AFG3L2: variants seen among roughly 807,000 people sequenced by gnomAD.
The protein encoded by AFG3L2 is mitochondrial inner membrane m-AAA protease component AFG3L2.
AFG3L2 carries 54 observed loss-of-function variants against 94.5 expected under a neutral mutation model. That is an observed-to-expected ratio of 0.57 (90% CI 0.46 to 0.72). The LOEUF (loss-of-function observed/expected upper bound fraction) is 0.72. AFG3L2 is among the 30% of genes least tolerant of loss of function. The pLI, the probability that AFG3L2 is intolerant of heterozygous loss-of-function variation, is 0.00. For missense variants in AFG3L2, 754 were observed against 994.9 expected (o/e 0.76, Z 3.26); for synonymous variants, 377 against 365.5 (o/e 1.03, Z -0.36).
rs12458831 is a variant in AFG3L2, at chr18:12,353,383, G to A, written c.1165-225C>T. Among the ~76,000 whole-genome samples the A allele has an allele frequency of 0.067, 10,112 of 151,836 alleles. 518 individuals carry two copies. Among genetic ancestry groups the A allele is most frequent in the East Asian group, 0.2 (1,008 of 5,142 alleles). On this transcript the variant is annotated intron_variant, in intron 9 of 16. Coordinates refer to ENST00000269143, the MANE Select transcript of AFG3L2 (RefSeq NM_006796.3). ...TACAAAATTAGGCAGGCATGGTGGC[G>A]CGTGCCTGTGATCCCAGCTACTCAG...
In AFG3L2 at chr18:12,329,754, T is replaced by C; in HGVS notation, c.2205A>G (p.Val735=). 1.9e-6 allele frequency: 3 copies of C among 1,614,200 alleles called. No homozygotes were observed. The highest frequency in any genetic ancestry group is 2.5e-6 in the Non-Finnish European group (3 of 1,180,026). ...GTTCAACCATATCATTCTTATCTAA[T>C]ACTTCTTTTTCTAACAACAGAAGAG... ...KVALLLLEKE[V]LDKNDMVELL... Residue 735 remains valine (V), a synonymous_variant, in exon 17 of 17, where the codon GTA becomes GTG. Transcript: ENST00000269143.
Position 12,329,197 on chromosome 18 carries a change from AAG to A in AFG3L2, c.*366_*367del. The A allele has an allele frequency of 4.3e-6, 3 of 702,988 alleles. No individual in the cohort carries two copies. The highest frequency in any genetic ancestry group is 3.0e-5 in the South Asian group (2 of 67,600). The allele number at this position is 702,988 out of a possible 1,614,324, so 43.5% of individuals were successfully genotyped here. Reference sequence around the variant, plus strand: ...AAACAGGAATGAAGAGTGGGCGACAAAGAGAAAGCATCCCTTCCCACACGCCA... The same window carrying A: ...AAACAGGAATGAAGAGTGGGCGACAAAGAAAGCATCCCTTCCCACACGCCA... On this transcript the variant is annotated 3_prime_UTR_variant, in exon 17 of 17. Coordinates refer to ENST00000269143, the MANE Select transcript of AFG3L2 (RefSeq NM_006796.3).
intron 15 of AFG3L2, among the ~76,000 whole-genome samples, chr18:12,339,324 G>A (rs1907862383): frequency 1.3e-5 from 2 of 151,350 alleles, no homozygotes; most frequent in African/African-American, 4.9e-5. Context: ...AGGCCGAGGC[G>A]GGCGGATCAC....
At chr18:12,367,491 G>A in intron 3 of AFG3L2, 109 bp from the exon 4 acceptor site, 1 of 1,007,522 alleles carries the variant, frequency 9.9e-7, no homozygotes, top group Non-Finnish European at 1.5e-6. Flanking sequence ...ATACACTGTG[G>A]CAACTGATCA....
intron 5 of AFG3L2, among the ~76,000 whole-genome samples, chr18:12,366,745 G>A (rs188749633): frequency 6.6e-6 from 1 of 152,354 alleles, no homozygotes; most frequent in East Asian, 1.9e-4. Context: ...CCAGTTCTGG[G>A]AGGTAGTGAA....
chr18:12,334,205 G>A (rs576511504), intron 16 of AFG3L2, among the ~76,000 whole-genome samples: 3 of 152,324 alleles, frequency 2.0e-5, no homozygotes, highest in African/African-American at 4.8e-5. Flanking sequence ...TATTCTGCAC[G>A]TGGCTCATTC....
intron 15 of AFG3L2, among the ~76,000 whole-genome samples, chr18:12,339,236 C>CAAAAAAAAA (rs539968042): frequency 2.4e-5 from 1 of 41,288 alleles, no homozygotes; most frequent in Non-Finnish European, 4.0e-5. Context: ...GACTCTGTCT[C>CAAAAAAAAA]AAAAAAAAAA....
intron 5 of AFG3L2, among the ~76,000 whole-genome samples, chr18:12,366,160 C>G (rs1247465103): frequency 6.6e-6 from 1 of 151,960 alleles, no homozygotes; most frequent in East Asian, 1.9e-4. Flanking sequence ...ACAGGCGTGA[C>G]CCACTACGCC....
rs375358651 is a variant in AFG3L2, at chr18:12,329,606, T to C, written c.2353A>G (p.Lys785Glu). 9.9e-6 allele frequency: 16 copies of C among 1,614,042 alleles called. No homozygotes were observed. Among genetic ancestry groups the C allele is most frequent in the Non-Finnish European group, 1.4e-5 (16 of 1,180,040 alleles). Residue 785 changes from lysine to glutamate, a missense_variant, in exon 17 of 17, where the codon AAG becomes GAG. Coordinates refer to ENST00000269143, the MANE Select transcript of AFG3L2 (RefSeq NM_006796.3). ...TCACCCGGGGGCTCCTCTTTCTCCT[T>C]TTCCCGCTCCTTGTTCCAGTCCTTA... ...GLKDWNKERE[K>E]EKEEPPGEKV...
chr18:12,350,875 AAGGTTG>A (rs1413682937), intron 12 of AFG3L2, among the ~76,000 whole-genome samples: 1 of 152,178 alleles, frequency 6.6e-6, no homozygotes, highest in Admixed American at 6.6e-5. Flanking sequence ...TTGAGCCCAG[AAGGTTG>A]AGGCTACAGT....
At chr18:12,362,593 T>C (rs1053614628) in intron 6 of AFG3L2, among the ~76,000 whole-genome samples, 5 of 152,222 alleles carry the variant, frequency 3.3e-5, no homozygotes, top group Non-Finnish European at 7.3e-5. Context: ...ACATAAATGC[T>C]TGTGCATGCC....
chr18:12,331,913 T>A (rs1371665540), intron 16 of AFG3L2, among the ~76,000 whole-genome samples: 6 of 115,680 alleles, frequency 5.2e-5, no homozygotes, highest in Non-Finnish European at 1.2e-4. Flanking sequence ...GTGACAGTAG[T>A]TTACTTTGAA....
At chr18:12,372,215 T>C (rs9960103) in intron 1 of AFG3L2, among the ~76,000 whole-genome samples, 48,636 of 151,814 alleles carry the variant, frequency 0.32, 9,658 homozygotes, top group African/African-American at 0.55. Flanking sequence ...GAGGCAGGAG[T>C]ACTGCTTGAA....
At chr18:12,345,123 GGC>G (rs1477779050) in intron 13 of AFG3L2, among the ~76,000 whole-genome samples, 1 of 152,208 alleles carries the variant, frequency 6.6e-6, no homozygotes, top group Non-Finnish European at 1.5e-5. Flanking sequence ...GGCTGATGCT[GGC>G]GCACCCTCAC....
chr18:12,371,144 C>T (rs1908975806), intron 2 of AFG3L2, among the ~76,000 whole-genome samples: 1 of 152,082 alleles, frequency 6.6e-6, no homozygotes, highest in Non-Finnish European at 1.5e-5. Context: ...GAAACTCCGA[C>T]TCTACTAAAA....
rs1175612703 is a variant in AFG3L2 at position 12,351,364 on chromosome 18, T to A, written c.1368A>T (p.Pro456=). 1.8e-5 allele frequency: 29 copies of A among 1,614,208 alleles called. No homozygotes were observed. The highest frequency in any genetic ancestry group is 2.4e-5 in the Non-Finnish European group (28 of 1,180,034). ...TAAGCAGCGCGGGGTCCAGGATATC[T>A]GGTCGATTGGTGCCGGCCAAAATGA... ...NVVILAGTNR[P]DILDPALLRP... Residue 456 remains proline, a synonymous_variant, in exon 11 of 17, where the codon CCA becomes CCT. Transcript: ENST00000269143.
At chr18:12,375,985 A>G (rs1196498195) in intron 1 of AFG3L2, among the ~76,000 whole-genome samples, 1 of 152,160 alleles carries the variant, frequency 6.6e-6, no homozygotes, top group Non-Finnish European at 1.5e-5. Flanking sequence ...CGTCTCTTAA[A>G]AAATAAAAAT....
chr18:12,345,058 C>T (rs1018860429), intron 13 of AFG3L2, among the ~76,000 whole-genome samples: 1 of 152,202 alleles, frequency 6.6e-6, no homozygotes, highest in African/African-American at 2.4e-5. Context: ...AGAAGAGAGT[C>T]TGAGAAAGCA....
chr18:12,333,153 A>G lies in AFG3L2; in HGVS notation c.2176-3370T>C, dbSNP rs1027391110. Among the ~76,000 whole-genome samples, 29 of 34,050 alleles carry G rather than the reference A, an allele frequency of 8.5e-4. 1 individual carries two copies. The highest frequency in any genetic ancestry group is 2.0e-3 in the African/African-American group (28 of 13,708). 22.3% of individuals were successfully genotyped at this position (34,050 alleles called of 152,430 possible). A position where few individuals can be genotyped will look rare whatever the true frequency, so the allele number is the denominator to read the frequency against. ...ATATATAATATATATAATATATAAT[A>G]ATCTAATATATATAATAATAGATAA... On this transcript the variant is annotated intron_variant, in intron 16 of 16. Coordinates refer to ENST00000269143, the MANE Select transcript of AFG3L2 (RefSeq NM_006796.3).
Sources: allele counts gnomAD v4.1 joint callset (sites outside exome capture counted in the v4.1 genomes callset), GRCh38; gene constraint gnomAD v4.1.1; transcripts MANE v1.5; gene names NCBI Gene and HGNC (gene_info 2026-07-23, HGNC 2026-07-21).